GLIS1: variants seen among roughly 807,000 people sequenced by gnomAD.
GLIS1 encodes zinc finger protein GLIS1.
In GLIS1, 24 loss-of-function variants were observed where a neutral mutation model predicts 63.8. The observed-to-expected ratio is 0.38, with a 90% CI of 0.27 to 0.53. The LOEUF is 0.53. Ranked by LOEUF, GLIS1 falls within the 20% of genes least tolerant of loss-of-function variation. The probability of loss-of-function intolerance (pLI) is 0.85; values close to 1 mark genes in which losing one functional copy is unlikely to be tolerated. For missense variants in GLIS1, 1,036 were observed against 1,074.1 expected (o/e 0.96, Z 0.50); for synonymous variants, 450 against 482.5 (o/e 0.93, Z 0.88).
chr1:53,570,520 C>G (rs376802662), intron 4 of GLIS1, among the ~76,000 whole-genome samples: 1 of 152,024 alleles, frequency 6.6e-6, no homozygotes, highest in Non-Finnish European at 1.5e-5. Context: ...TGGGAAATAG[C>G]GGGGATGGAC....
intron 2 of GLIS1, among the ~76,000 whole-genome samples, chr1:53,643,752 G>GAGAA (rs1645812599): frequency 6.6e-6 from 1 of 152,188 alleles, no homozygotes; most frequent in Admixed American, 6.5e-5. Context: ...GGGGTTAACT[G>GAGAA]AGAAGCCTGT....
At chr1:53,558,299 C>T (rs188911081) in intron 4 of GLIS1, among the ~76,000 whole-genome samples, 1 of 152,334 alleles carries the variant, frequency 6.6e-6, no homozygotes, top group African/African-American at 2.4e-5. Flanking sequence ...GCTTTAGTCC[C>T]CTGCTCTGCC....
At chr1:53,706,282 T>C (rs907398818) in intron 2 of GLIS1, among the ~76,000 whole-genome samples, 1 of 152,154 alleles carries the variant, frequency 6.6e-6, no homozygotes, top group East Asian at 1.9e-4. Flanking sequence ...CCCTTCAAGA[T>C]GGTAACAGCC....
rs567001672 is a variant in GLIS1 at position 53,726,558 on chromosome 1, A to G, written c.259+11248T>C. On this transcript the variant is annotated intron_variant, in intron 2 of 10. Transcript: ENST00000628545. ...GTCTGACAGCAACTCCCAGCCCAAT[A>G]AACTAGGGAAGAGGTGGGGGTGTGC... 2.0e-5 allele frequency among the ~76,000 whole-genome samples: 3 copies of G among 152,260 alleles called. No homozygotes were observed. The South Asian group carries it at 6.2e-4, about 32-fold the overall frequency.
chr1:53,555,050 C>CG (rs1403925188), intron 4 of GLIS1, among the ~76,000 whole-genome samples: 3 of 152,176 alleles, frequency 2.0e-5, no homozygotes, highest in Admixed American at 6.5e-5. Context: ...CAGGGACCCA[C>CG]GGGACTGGCA....
At chr1:53,736,257 C>A (rs999748438) in intron 2 of GLIS1, among the ~76,000 whole-genome samples, 1 of 152,014 alleles carries the variant, frequency 6.6e-6, no homozygotes, top group Non-Finnish European at 1.5e-5. Flanking sequence ...TGTTTGGGGG[C>A]GTGCGTAAAA....
chr1:53,571,732 A>T (rs974834849), intron 4 of GLIS1, among the ~76,000 whole-genome samples: 21 of 152,002 alleles, frequency 1.4e-4, no homozygotes, highest in Non-Finnish European at 2.8e-4. Flanking sequence ...GCCCGCCACC[A>T]TGCCCGGCTA....
At position 53,665,886 on chromosome 1, in the gene GLIS1, T is replaced by G. The variant is rs75353250; in HGVS notation, c.260-65608A>C. Among the ~76,000 whole-genome samples the G allele has an allele frequency of 4.5e-3, 684 of 152,238 alleles. 6 individuals are homozygous for G. The highest frequency in any genetic ancestry group is 0.016 in the African/African-American group (652 of 41,542). On this transcript the variant is annotated intron_variant, in intron 2 of 10. Transcript: ENST00000628545. The stretch of plus-strand genomic sequence containing the variant: ...TTGGATCCAGCAACATCGAACGCCC[T>G]GGGGACCTTAATTTTGGTGGCATGA...
chr1:53,662,333 C>A (rs1416244467), intron 2 of GLIS1, among the ~76,000 whole-genome samples: 1 of 152,144 alleles, frequency 6.6e-6, no homozygotes, highest in Non-Finnish European at 1.5e-5. Context: ...CCGCAGGACC[C>A]AAGAGAAATG....
intron 4 of GLIS1, among the ~76,000 whole-genome samples, chr1:53,555,052 G>A (rs1408580927): frequency 6.6e-6 from 1 of 152,160 alleles, no homozygotes; most frequent in Non-Finnish European, 1.5e-5. Flanking sequence ...GGGACCCACG[G>A]GACTGGCATG....
chr1:53,608,446 G>C (rs571635963), intron 2 of GLIS1, among the ~76,000 whole-genome samples: 1 of 152,142 alleles, frequency 6.6e-6, no homozygotes. Flanking sequence ...TAGGATTCAC[G>C]CCCTCCTTTT....
chr1:53,728,114 CT>C (rs34804140), intron 2 of GLIS1, among the ~76,000 whole-genome samples: 2 of 150,002 alleles, frequency 1.3e-5, no homozygotes, highest in Admixed American at 1.3e-4. Flanking sequence ...CACTCTGCCC[CT>C]GTCTTCAAGG....
chr1:53,591,421 T>C (rs996304186), intron 4 of GLIS1, among the ~76,000 whole-genome samples: 2 of 152,184 alleles, frequency 1.3e-5, no homozygotes, highest in African/African-American at 4.8e-5. Context: ...AATAGTCAGT[T>C]TAGCAGAGCT....
chr1:53,690,293 C>T (rs983104138), intron 2 of GLIS1, among the ~76,000 whole-genome samples: 2 of 152,246 alleles, frequency 1.3e-5, no homozygotes, highest in Non-Finnish European at 2.9e-5. Flanking sequence ...CCCCAGGCTC[C>T]GCTGCCCCCA....
intron 4 of GLIS1, among the ~76,000 whole-genome samples, chr1:53,588,178 G>T (rs1645154720): frequency 6.6e-6 from 1 of 152,238 alleles, no homozygotes; most frequent in Middle Eastern, 3.4e-3. Context: ...AAGCCAGGCT[G>T]CAAAACCTCA....
chr1:53,594,550 T>G lies in GLIS1; in HGVS notation c.878A>C (p.Lys293Thr). 6.2e-7 allele frequency: 1 copy of G among 1,602,968 alleles called. No homozygotes were observed. The highest frequency in any genetic ancestry group is 8.5e-7 in the Non-Finnish European group (1 of 1,171,958). The change falls in exon 4 of 11, where the codon AAG becomes ACG. Residue 293 changes from lysine to threonine, a missense_variant. By Grantham distance (78) the Lys-to-Thr change is moderately conservative (BLOSUM62 -1). Coordinates refer to ENST00000628545, the MANE Select transcript of GLIS1 (RefSeq NM_001367484.1). ...CGATGCAGGGCCAGGCCGGGCCCGC[T>G]TGGAAGGGCCCCCCAGATCTCCCGT... ...PLTGDLGGPSKRARPGPASTD... is the reference protein window; with the variant it reads ...PLTGDLGGPSTRARPGPASTD...
chr1:53,604,179 C>T (rs897975402), intron 2 of GLIS1, among the ~76,000 whole-genome samples: 2 of 152,162 alleles, frequency 1.3e-5, no homozygotes, highest in Non-Finnish European at 2.9e-5. Flanking sequence ...TCTCCTTGAG[C>T]CTGGGGCAGG....
intron 4 of GLIS1, among the ~76,000 whole-genome samples, chr1:53,541,462 T>A (rs915426688): frequency 1.3e-5 from 2 of 152,266 alleles, no homozygotes; most frequent in Non-Finnish European, 2.9e-5. Flanking sequence ...CACGGCCATA[T>A]GTGCATGAGG....
At chr1:53,568,190 G>A (rs961279936) in intron 4 of GLIS1, among the ~76,000 whole-genome samples, 3 of 152,244 alleles carry the variant, frequency 2.0e-5, no homozygotes, top group Non-Finnish European at 4.4e-5. Flanking sequence ...TGCCCTGGAT[G>A]TGAGACATGG....
Sources: gnomAD v4.1 joint callset for allele counts (sites outside exome capture counted in the v4.1 genomes callset) on GRCh38, gnomAD v4.1.1 for gene constraint, MANE v1.5 for transcripts, NCBI Gene and HGNC (gene_info 2026-07-23, HGNC 2026-07-21) for gene names.